Variants in SMYD1 observed in about 807,000 individuals in gnomAD.
SMYD1 encodes SET and MYND domain containing 1, also known as histone-lysine N-methyltransferase SMYD1.
A neutral mutation model predicts 54.0 loss-of-function variants in SMYD1; 49 were observed. The ratio of observed to expected loss-of-function variants is 0.91; its 90% CI spans 0.72 to 1.15. SMYD1 has a LOEUF of 1.15. SMYD1 is among the 50% of genes most tolerant of loss of function. SMYD1 has a pLI of 0.00. For synonymous variants in SMYD1, 269 were observed against 234.2 expected (o/e 1.15, Z -1.36); for missense variants, 653 against 639.6 (o/e 1.02, Z -0.23).
At position 88,081,006 on chromosome 2, in the gene SMYD1, G is replaced by A. The variant is rs549311255; in HGVS notation, c.138-3310G>A. 2.4e-4 allele frequency among the ~76,000 whole-genome samples: 36 copies of A among 151,720 alleles called. 1 individual carries two copies. The South Asian group carries it at 6.2e-3, about 26-fold the overall frequency. On this transcript the variant is annotated intron_variant, in intron 1 of 9. Coordinates refer to ENST00000419482, the MANE Select transcript of SMYD1 (RefSeq NM_198274.4). Reference sequence around the variant, plus strand: ...CAACCTCTGCCTCCCTGGTTCAAGCGATTCTCCTGCCTCAGCCTCCGGAGT... The same window carrying A: ...CAACCTCTGCCTCCCTGGTTCAAGCAATTCTCCTGCCTCAGCCTCCGGAGT...
At position 88,111,840 on chromosome 2, in the gene SMYD1, G is replaced by A; in HGVS notation, c.*1328G>A. The A allele has an allele frequency of 2.2e-6, 1 of 455,458 alleles. No individual in the cohort carries two copies. Among genetic ancestry groups the A allele is most frequent in the Admixed American group, 3.3e-5 (1 of 29,944 alleles). The allele number at this position is 455,458 out of a possible 1,614,324, so 28.2% of individuals were successfully genotyped here. ...CCTGGAAAAGATCCCTTCAGTTTGG[G>A]GTGTCACCAAGACTTCTACACAACC... On this transcript the variant is annotated 3_prime_UTR_variant, in exon 10 of 10. Transcript: ENST00000419482.
chr2:88,085,389 G>C (rs1010736796), intron 2 of SMYD1, among the ~76,000 whole-genome samples: 2 of 152,162 alleles, frequency 1.3e-5, no homozygotes, highest in African/African-American at 4.8e-5. Context: ...CTGGGGTGGG[G>C]CTCAGTGCTG....
At position 88,096,762 on chromosome 2, in the gene SMYD1, T is replaced by C; in HGVS notation, c.866T>C (p.Leu289Pro). 1 of 1,613,844 alleles carries C rather than the reference T, an allele frequency of 6.2e-7. No homozygotes were observed. Among genetic ancestry groups the C allele is most frequent in the South Asian group, 1.1e-5 (1 of 91,024 alleles). ...AAAAAACTGAAGGATGACCTCTTCCTGGGGGTGAAAGACAACCCCAAGGTA... is the reference window on the plus strand; with the variant it reads ...AAAAAACTGAAGGATGACCTCTTCCCGGGGGTGAAAGACAACCCCAAGGTA... ...CQKKLKDDLF[L>P]GVKDNPKPSQ... Residue 289 changes from leucine to proline, a missense_variant, in exon 6 of 10, where the codon CTG (leucine) becomes CCG (proline). Physicochemically the swap from Leu to Pro is moderately conservative, Grantham distance 98 (BLOSUM62 -3). Coordinates refer to ENST00000419482, the MANE Select transcript of SMYD1 (RefSeq NM_198274.4).
chr2:88,104,336 C>A (rs1325586415), intron 7 of SMYD1, among the ~76,000 whole-genome samples: 1 of 152,168 alleles, frequency 6.6e-6, no homozygotes. Flanking sequence ...CATTTCTAAA[C>A]CCTTACTGGG....
chr2:88,098,226 A>C (rs1236870883), intron 6 of SMYD1, among the ~76,000 whole-genome samples: 4 of 152,172 alleles, frequency 2.6e-5, no homozygotes, highest in Non-Finnish European at 5.9e-5. Context: ...ATTTTTATTA[A>C]GAGGCCAGAC....
rs1374225623 is a variant in SMYD1 at position 88,112,690 on chromosome 2, A to G, written c.*2178A>G. ...ACTAAAAGGGCTCTTACCAAGATCA[A>G]ATCTAATGGGTACATTTTAGTTCCT... On this transcript the variant is annotated 3_prime_UTR_variant, in exon 10 of 10. Transcript: ENST00000419482. 2.6e-5 allele frequency: 4 copies of G among 154,484 alleles called. No homozygotes were observed. Among genetic ancestry groups the G allele is most frequent in the African/African-American group, 9.6e-5 (4 of 41,470 alleles). The allele number at this position is 154,484 out of a possible 1,614,324, so 9.6% of individuals were successfully genotyped here.
rs113636517 is a variant in SMYD1, at chr2:88,087,989, C to T, written c.442C>T (p.Arg148Trp). Residue 148 changes from arginine (R) to tryptophan (W), a missense_variant, in exon 3 of 10, where the codon CGG (arginine) becomes TGG (tryptophan). Arg to Trp is a moderately radical substitution (Grantham distance 101, BLOSUM62 -3). Coordinates refer to ENST00000419482, the MANE Select transcript of SMYD1 (RefSeq NM_198274.4). ...HFGEEEQKDL[R>W]VDVDTFLQYW... ...TGGGGAGGAGGAGCAGAAGGACCTG[C>T]GGGTGGACGTGGACACATTCTTGCA... is the stretch of plus-strand genomic sequence containing the variant. 10 of 1,614,064 alleles carry T rather than the reference C, an allele frequency of 6.2e-6. No individual in the cohort carries two copies. The highest frequency in any genetic ancestry group is 5.0e-5 in the Admixed American group (3 of 60,006).
At chr2:88,088,555 G>T (rs1434570948) in intron 3 of SMYD1, among the ~76,000 whole-genome samples, 1 of 152,136 alleles carries the variant, frequency 6.6e-6, no homozygotes, top group South Asian at 2.1e-4. Context: ...GGCCATTCCT[G>T]CTGTATCTGA....
intron 5 of SMYD1, 81 bp from the exon 6 acceptor site, chr2:88,096,514 A>G (rs564374849): frequency 1.4e-4 from 174 of 1,258,520 alleles, no homozygotes; most frequent in Non-Finnish European, 1.8e-4. Flanking sequence ...TTGAGACCCA[A>G]CTCCATGAAG....
chr2:88,081,625 A>G (rs546734136), intron 1 of SMYD1, among the ~76,000 whole-genome samples: 1 of 151,682 alleles, frequency 6.6e-6, no homozygotes, highest in South Asian at 2.1e-4. Flanking sequence ...TAGTAGAGAC[A>G]GGGTTTTACC....
At chr2:88,093,633 C>T (rs1674511947) in intron 5 of SMYD1, 78 bp downstream of exon 5, 1 of 1,507,516 alleles carries the variant, frequency 6.6e-7, no homozygotes, top group Non-Finnish European at 9.2e-7. Context: ...GCCACCCATT[C>T]CCGAGACTTC....
intron 7 of SMYD1, among the ~76,000 whole-genome samples, chr2:88,104,196 A>G (rs747245586): frequency 6.6e-5 from 10 of 152,016 alleles, no homozygotes; most frequent in African/African-American, 1.2e-4. Context: ...TCGATTTCCC[A>G]ACATCATGAT....
intron 3 of SMYD1, among the ~76,000 whole-genome samples, 154 bp downstream of exon 3, chr2:88,088,229 T>A (rs1450620547): frequency 6.6e-6 from 1 of 152,184 alleles, no homozygotes; most frequent in Non-Finnish European, 1.5e-5. Context: ...AAAGGTCTCA[T>A]CTAGCCCAGG....
chr2:88,096,856 C>T, intron 6 of SMYD1, 72 bp downstream of exon 6: 2 of 1,477,202 alleles, frequency 1.4e-6, no homozygotes, highest in Non-Finnish European at 1.8e-6. Context: ...GGTTTCACAG[C>T]TAATCCGTGT....
At chr2:88,071,277 T>A (rs563556787) in intron 1 of SMYD1, among the ~76,000 whole-genome samples, 2 of 152,200 alleles carry the variant, frequency 1.3e-5, no homozygotes, top group Non-Finnish European at 2.9e-5. Flanking sequence ...ACTAGGCCAG[T>A]AATATATGTG....
At chr2:88,091,264 T>C in intron 4 of SMYD1, 122 bp downstream of exon 4, 1 of 1,041,558 alleles carries the variant, frequency 9.6e-7, no homozygotes, top group Non-Finnish European at 1.4e-6. Flanking sequence ...TTTAAATGTA[T>C]AGCACATAGA....
intron 3 of SMYD1, among the ~76,000 whole-genome samples, chr2:88,089,942 G>A (rs1329620132): frequency 1.3e-5 from 2 of 152,116 alleles, no homozygotes; most frequent in Admixed American, 6.6e-5. Context: ...GTGAATTGGT[G>A]TGTTGAGTAA....
chr2:88,094,460 G>A (rs1674531585), intron 5 of SMYD1, among the ~76,000 whole-genome samples: 3 of 152,160 alleles, frequency 2.0e-5, no homozygotes, highest in Admixed American at 2.0e-4. Context: ...GGTCCAGAGT[G>A]GGGATGAAGC....
chr2:88,084,096 G>A (rs1674261842), intron 1 of SMYD1, among the ~76,000 whole-genome samples: 1 of 151,932 alleles, frequency 6.6e-6, no homozygotes, highest in Admixed American at 6.6e-5. Flanking sequence ...GGCAACAAGA[G>A]TGAAACTCTG....
Sources: allele counts gnomAD v4.1 joint callset (sites outside exome capture counted in the v4.1 genomes callset), GRCh38; gene constraint gnomAD v4.1.1; transcripts MANE v1.5; gene names NCBI Gene and HGNC (gene_info 2026-07-23, HGNC 2026-07-21).